Variants in MUC3A observed in about 807,000 individuals in gnomAD.
The protein encoded by MUC3A is mucin-3A.
MUC3A carries 109 observed loss-of-function variants against 109.0 expected under a neutral mutation model. The ratio of observed to expected loss-of-function variants is 1.00; its 90% confidence interval spans 0.86 to 1.17. MUC3A has a LOEUF of 1.17. MUC3A is among the 50% of genes most tolerant of loss of function. MUC3A has a pLI of 0.00. For missense variants in MUC3A, 3,537 were observed against 2,469.4 expected (o/e 1.43, Z -9.16); for synonymous variants, 1,398 against 981.4 (o/e 1.42, Z -7.93).
In MUC3A at chr7:100,960,553, C is replaced by G; in HGVS notation, c.8774C>G (p.Ala2925Gly). 1 of 1,598,740 alleles carries G rather than the reference C, an allele frequency of 6.3e-7. No homozygotes were observed. Among genetic ancestry groups the G allele is most frequent in the Non-Finnish European group, 8.5e-7 (1 of 1,179,820 alleles). Residue 2925 changes from alanine (A) to glycine (G), a missense_variant, in exon 2 of 12, where the codon GCC becomes GGC. Transcript: ENST00000379458. ...ACTAGGACTTCAGAGACACCAGTGG[C>G]CACTACCCAGACTCCTACCACCCTT... ...PTTRTSETPV[A>G]TTQTPTTLTS...
chr7:100,965,148 CTGGGAGAGGG>C, intron 6 of MUC3A, 124 bp from the exon 7 acceptor site: 1 of 2,538 alleles, frequency 3.9e-4, no homozygotes, highest in Non-Finnish European at 5.4e-4. Context: ...CTCTCTCCGT[CTGGGAGAGGG>C]CTCTCCCAGA....
rs768285075 is a variant in MUC3A at position 100,967,199 on chromosome 7, C to T, written c.*37C>T. 27 of 1,598,136 alleles carry T rather than the reference C, an allele frequency of 1.7e-5. No homozygotes were observed. Among genetic ancestry groups the T allele is most frequent in the Non-Finnish European group, 2.1e-5 (25 of 1,179,716 alleles). On this transcript the variant is annotated 3_prime_UTR_variant, in exon 12 of 12. Transcript: ENST00000379458. ...CCCCTTCACCACCCCCTCCGCCCTG[C>T]CCCGGACACAAGGGTCTGCATTGCG...
At chr7:100,965,258 C>G in intron 6 of MUC3A, 24 bp from the exon 7 acceptor site, 6 of 1,597,970 alleles carry the variant, frequency 3.8e-6, no homozygotes, top group Non-Finnish European at 5.1e-6. Context: ...CCCGCCCATT[C>G]CATCTGTGCC....
chr7:100,952,811 C>T lies in MUC3A; in HGVS notation c.1032C>T (p.Val344=), dbSNP rs750724484. ...ACACTACTTCTCCCACCAGCACTGT[C>T]ACAGACTCCACTACCAAAATCGCCT... ...TTYTTSPTST[V]TDSTTKIAYS... The change falls in exon 2 of 12, where the codon GTC becomes GTT. Residue 344 remains valine, a synonymous_variant. Coordinates refer to ENST00000379458, the MANE Select transcript of MUC3A (RefSeq NM_005960.2). The T allele has an allele frequency of 1.4e-6, 2 of 1,437,302 alleles. No homozygotes were observed. Among genetic ancestry groups the T allele is most frequent in the Non-Finnish European group, 1.8e-6 (2 of 1,100,864 alleles). The allele number at this position is 1,437,302 out of a possible 1,614,324, so 89.0% of individuals were successfully genotyped here. A position where few individuals can be genotyped will look rare whatever the true frequency, so the allele number is the denominator to read the frequency against.
In MUC3A at chr7:100,960,913, T is replaced by A. The variant is rs1169658944; in HGVS notation, c.9028T>A (p.Phe3010Ile). ...PSTFYGSSCE[F>I]AVEQVDLDVV... ...CACCTTCTATGGTTCCAGTTGTGAG[T>A]TTGCTGTGGAACAGGTGGATCTAGG... Residue 3010 changes from phenylalanine (F) to isoleucine (I), a missense_variant, in exon 3 of 12, where the codon TTT (phenylalanine) becomes ATT (isoleucine). Transcript: ENST00000379458. The A allele has an allele frequency of 7.5e-6, 12 of 1,598,538 alleles. No individual in the cohort carries two copies. Among genetic ancestry groups the A allele is most frequent in the Non-Finnish European group, 1.0e-5 (12 of 1,179,816 alleles).
At chr7:100,963,293 T>G in intron 4 of MUC3A, 27 bp downstream of exon 4, 1 of 1,529,318 alleles carries the variant, frequency 6.5e-7, no homozygotes, top group Non-Finnish European at 8.8e-7. Flanking sequence ...GGGGATTTTT[T>G]TTTTTTTTTT....
Position 100,951,962 on chromosome 7 carries a change from C to T in MUC3A, c.183C>T (p.Pro61=). The T allele has an allele frequency of 1.3e-6, 2 of 1,598,652 alleles. No homozygotes were observed. Among genetic ancestry groups the T allele is most frequent in the Non-Finnish European group, 8.5e-7 (1 of 1,179,802 alleles). The change falls in exon 2 of 12, where the codon CCC becomes CCT. Residue 61 remains proline, a synonymous_variant. Coordinates refer to ENST00000379458, the MANE Select transcript of MUC3A (RefSeq NM_005960.2). ...TGGCTGGGTGGCCACTTGGTGTCCC[C>T]CAGCTCGCCTCTCCTGCTCCTGGCC... ...RDLAGWPLGV[P]QLASPAPGHR...
At position 100,960,695 on chromosome 7, in the gene MUC3A, C is replaced by T. The variant is rs746187213; in HGVS notation, c.8866+50C>T. On this transcript the variant is annotated intron_variant, in intron 2 of 11. Coordinates refer to ENST00000379458, the MANE Select transcript of MUC3A (RefSeq NM_005960.2). ...CCCTCCTTCCTCCCCTGCAAAATTC[C>T]TGTGTCACTGAGGTCAGGCTTTATC... is the stretch of plus-strand genomic sequence containing the variant. The T allele has an allele frequency of 1.0e-5, 16 of 1,592,508 alleles. No homozygotes were observed. In the African/African-American group the frequency reaches 1.9e-4, roughly 19 times the overall value.
rs1792094941 is a variant in MUC3A, at chr7:100,956,339, C to G, written c.4560C>G (p.Thr1520=). 3 of 625,892 alleles carry G rather than the reference C, an allele frequency of 4.8e-6. No homozygotes were observed. Among genetic ancestry groups the G allele is most frequent in the African/African-American group, 1.9e-5 (1 of 53,926 alleles). The allele number at this position is 625,892 out of a possible 1,614,324, so 38.8% of individuals were successfully genotyped here. A position where few individuals can be genotyped will look rare whatever the true frequency, so the allele number is the denominator to read the frequency against. ...CCACAAACTTGGTAACCACCACCAC[C>G]AAGACCACCTCACATAGTACCACCA... ...TPTTNLVTTT[T]KTTSHSTTSF... is the part of the protein sequence containing the mutation. The change falls in exon 2 of 12, where the codon ACC becomes ACG. Residue 1520 remains threonine (T), a synonymous_variant. Transcript: ENST00000379458.
intron 1 of MUC3A, among the ~76,000 whole-genome samples, chr7:100,950,920 TC>T (rs1791918546): frequency 1.2e-5 from 1 of 84,048 alleles, no homozygotes; most frequent in Non-Finnish European, 2.7e-5. Context: ...CTCTGCCTCT[TC>T]ACCTAGTCCT....
Position 100,955,924 on chromosome 7 carries a change from C to G in MUC3A, c.4145C>G (p.Thr1382Ser). 2.3e-6 allele frequency: 1 copy of G among 432,742 alleles called. No individual in the cohort carries two copies. The highest frequency in any genetic ancestry group is 3.7e-5 in the Admixed American group (1 of 26,732). The allele number at this position is 432,742 out of a possible 1,614,324, so 26.8% of individuals were successfully genotyped here. Residue 1382 changes from threonine (T) to serine (S), a missense_variant, in exon 2 of 12, where the codon ACT becomes AGT. By Grantham distance (58) the Thr-to-Ser change is moderately conservative. Coordinates refer to ENST00000379458, the MANE Select transcript of MUC3A (RefSeq NM_005960.2). Reference protein sequence around the residue: ...FSTESLTTAMTSTPPITSSIT... With the variant: ...FSTESLTTAMSSTPPITSSIT... ...ACAGAATCTCTCACAACAGCCATGA[C>G]TTCTACTCCCCCCATCACTTCTTCA...
At chr7:100,964,661 G>T in intron 5 of MUC3A, 34 bp from the exon 6 acceptor site, 1 of 1,579,368 alleles carries the variant, frequency 6.3e-7, no homozygotes, top group South Asian at 1.1e-5. Flanking sequence ...TATGTTCCTG[G>T]CTGGGGCACT....
At position 100,959,794 on chromosome 7, in the gene MUC3A, C is replaced by T. The variant is rs939732727; in HGVS notation, c.8015C>T (p.Ala2672Val). 6.3e-7 allele frequency: 1 copy of T among 1,594,562 alleles called. No individual in the cohort carries two copies. The highest frequency in any genetic ancestry group is 8.5e-7 in the Non-Finnish European group (1 of 1,177,800). ...ACTAGGGGAAGTACGTCTACAAATGCAATCTTGACTTCTTTTAGTACCATC... is the reference window on the plus strand; with the variant it reads ...ACTAGGGGAAGTACGTCTACAAATGTAATCTTGACTTCTTTTAGTACCATC... ...SFTRGSTSTN[A>V]ILTSFSTIIW... Residue 2672 changes from alanine (A) to valine (V), a missense_variant, in exon 2 of 12, where the codon GCA becomes GTA. By Grantham distance (64) the Ala-to-Val change is moderately conservative. Transcript: ENST00000379458.
Position 100,963,316 on chromosome 7 carries a change from C to T in MUC3A, c.9168+50C>T, listed in dbSNP as rs1184386469. On this transcript the variant is annotated intron_variant, in intron 4 of 11. Coordinates refer to ENST00000379458, the MANE Select transcript of MUC3A (RefSeq NM_005960.2). The stretch of plus-strand genomic sequence containing the variant: ...TTTTTTTTTTTTTGAGGTGTAGTCT[C>T]GCACTCTCACCCTGGCTGGAGTGCA... 5.4e-5 allele frequency: 61 copies of T among 1,135,532 alleles called. No homozygotes were observed. In the African/African-American group the frequency reaches 7.7e-4, roughly 14 times the overall value. The allele number at this position is 1,135,532 out of a possible 1,614,324, so 70.3% of individuals were successfully genotyped here.
At position 100,953,431 on chromosome 7, in the gene MUC3A, G is replaced by T; in HGVS notation, c.1652G>T (p.Ser551Ile). 1 of 327,428 alleles carries T rather than the reference G, an allele frequency of 3.1e-6. No individual in the cohort carries two copies. The highest frequency in any genetic ancestry group is 5.0e-6 in the Non-Finnish European group (1 of 199,534). 20.3% of individuals were successfully genotyped at this position (327,428 alleles called of 1,614,324 possible). ...ASSAGTTHTE[S>I]ISSPPASTST... ...AGTGCTGGGACCACTCACACAGAGA[G>T]TATCTCCTCACCTCCAGCCAGCACC... is the stretch of plus-strand genomic sequence containing the variant. The change falls in exon 2 of 12, where the codon AGT becomes ATT. Residue 551 changes from serine to isoleucine, a missense_variant. Transcript: ENST00000379458.
At position 100,960,109 on chromosome 7, in the gene MUC3A, T is replaced by TAGTC. The variant is rs1417207632; in HGVS notation, c.8331_8334dup (p.Pro2779SerfsTer7). 6.5e-7 allele frequency: 1 copy of TAGTC among 1,534,394 alleles called. No individual in the cohort carries two copies. On this transcript the variant is annotated frameshift_variant, in exon 2 of 12. Transcript: ENST00000379458. LOFTEE classifies it high-confidence loss of function. ...TGTCCAGGAACTATAACAATTACCA[T>TAGTC]AGTCCCTGCCTCCCCCACTGATCCA...
Position 100,959,357 on chromosome 7 carries a change from T to C in MUC3A, c.7578T>C (p.Ile2526=). 1 of 1,541,318 alleles carries C rather than the reference T, an allele frequency of 6.5e-7. No individual in the cohort carries two copies. The highest frequency in any genetic ancestry group is 8.7e-7 in the Non-Finnish European group (1 of 1,152,500). The part of the protein sequence containing the change: ...ISTLPTRTHI[I]SSSPSIQSTE... ...CCTTACCAACTCGAACACACATCAT[T>C]TCATCTTCTCCCTCCATCCAAAGTA... Residue 2526 remains isoleucine (I), a synonymous_variant, in exon 2 of 12, where the codon ATT becomes ATC. Coordinates refer to ENST00000379458, the MANE Select transcript of MUC3A (RefSeq NM_005960.2).
chr7:100,955,493 A>G lies in MUC3A; in HGVS notation c.3714A>G (p.Pro1238=). 3 of 531,806 alleles carry G rather than the reference A, an allele frequency of 5.6e-6. No homozygotes were observed. Among genetic ancestry groups the G allele is most frequent in the South Asian group, 2.9e-5 (1 of 34,994 alleles). 32.9% of individuals were successfully genotyped at this position (531,806 alleles called of 1,614,324 possible). ...CAGCAATGTCCACAAGTGTCATTCC[A>G]TCTTCCCCCAGCATCCAGAATACAG... ...SSSAMSTSVI[P]SSPSIQNTET... is the part of the protein sequence containing the mutation. Residue 1238 remains proline, a synonymous_variant, in exon 2 of 12, where the codon CCA becomes CCG. Transcript: ENST00000379458.
chr7:100,960,338 GACTGTACCC>G lies in MUC3A; in HGVS notation c.8562_8570del (p.Val2855_Thr2857del). ...ATGCTTCCAGTTCCACTGGCACTGG[GACTGTACCC>G]ACAAACACAGTTTTCACAAGTACTC... is the stretch of plus-strand genomic sequence containing the variant. On this transcript the variant is annotated inframe_deletion, in exon 2 of 12. Coordinates refer to ENST00000379458, the MANE Select transcript of MUC3A (RefSeq NM_005960.2). 6.3e-7 allele frequency: 1 copy of G among 1,598,552 alleles called. No individual in the cohort carries two copies. Among genetic ancestry groups the G allele is most frequent in the East Asian group, 2.2e-5 (1 of 44,892 alleles).
Sources: allele counts gnomAD v4.1 joint callset (sites outside exome capture counted in the v4.1 genomes callset), GRCh38; gene constraint gnomAD v4.1.1; transcripts MANE v1.5; gene names NCBI Gene and HGNC (gene_info 2026-07-23, HGNC 2026-07-21).